Variants in ATP8A2 observed in about 807,000 individuals in gnomAD.
ATP8A2 encodes the protein ATPase phospholipid transporting 8A2.
Under a neutral mutation model 165.6 loss-of-function variants are expected in ATP8A2, and 100 were observed. The observed-to-expected ratio is 0.60, with a 90% CI of 0.51 to 0.71. ATP8A2 has a LOEUF of 0.71. ATP8A2 is among the 30% of genes least tolerant of loss of function. The pLI is 0.00. For synonymous variants in ATP8A2, 543 were observed against 548.8 expected (o/e 0.99, Z 0.15); for missense variants, 1,227 against 1,479.5 (o/e 0.83, Z 2.80).
chr13:25,741,554 A>G (rs1015686965), intron 25 of ATP8A2, among the ~76,000 whole-genome samples: 14 of 151,008 alleles, frequency 9.3e-5, no homozygotes, highest in African/African-American at 3.4e-4. Context: ...GCTAATTTTT[A>G]ATTTTTTTTT....
At position 26,025,207 on chromosome 13, in the gene ATP8A2, T is replaced by TA. The variant is rs1484691639; in HGVS notation, c.*5222_*5223insA. ...CTCCTTCCCTGCACAGTAAAGACTTTTGGGTTTTCATGGATAAAATCAATG... is the reference window on the plus strand; with the variant it reads ...CTCCTTCCCTGCACAGTAAAGACTTTATGGGTTTTCATGGATAAAATCAATG... On this transcript the variant is annotated 3_prime_UTR_variant, in exon 37 of 37. Coordinates refer to ENST00000381655, the MANE Select transcript of ATP8A2 (RefSeq NM_016529.6). 6.6e-6 allele frequency: 1 copy of TA among 151,318 alleles called. No individual in the cohort carries two copies. The highest frequency in any genetic ancestry group is 1.5e-5 in the Non-Finnish European group (1 of 67,942). 9.4% of individuals were successfully genotyped at this position (151,318 alleles called of 1,614,324 possible).
intron 15 of ATP8A2, among the ~76,000 whole-genome samples, chr13:25,563,357 C>T (rs1184652183): frequency 4.0e-5 from 6 of 150,954 alleles, no homozygotes; most frequent in Admixed American, 2.6e-4. Flanking sequence ...TGCAGTGAGC[C>T]GAGATCACAC....
chr13:25,791,889 C>T (rs1305906287), intron 27 of ATP8A2, among the ~76,000 whole-genome samples: 17 of 152,130 alleles, frequency 1.1e-4, no homozygotes, highest in Admixed American at 6.5e-5. Context: ...AGATAAATTT[C>T]GTATATGCTC....
intron 27 of ATP8A2, among the ~76,000 whole-genome samples, chr13:25,818,359 T>C (rs1566170134): frequency 6.6e-6 from 1 of 152,190 alleles, no homozygotes. Flanking sequence ...AAAGTATCAG[T>C]AATATAATAA....
chr13:25,640,013 T>C (rs1362692342), intron 24 of ATP8A2, among the ~76,000 whole-genome samples: 1 of 152,122 alleles, frequency 6.6e-6, no homozygotes. Flanking sequence ...ACTGGGTACA[T>C]AACAAAATGA....
chr13:25,386,941 G>A (rs1276557022), intron 1 of ATP8A2, among the ~76,000 whole-genome samples: 3 of 145,328 alleles, frequency 2.1e-5, no homozygotes, highest in Non-Finnish European at 4.6e-5. Flanking sequence ...AGCTTGCAGT[G>A]AGCCGAGATC....
chr13:25,875,881 CTA>C (rs2138829125), intron 33 of ATP8A2, among the ~76,000 whole-genome samples: 1 of 152,342 alleles, frequency 6.6e-6, no homozygotes. Flanking sequence ...CCAGGAAGTA[CTA>C]CGCTAATCAT....
chr13:25,466,691 C>A (rs565025771), intron 1 of ATP8A2, among the ~76,000 whole-genome samples: 1 of 152,174 alleles, frequency 6.6e-6, no homozygotes, highest in African/African-American at 2.4e-5. Context: ...GAGGGCAGGG[C>A]CCGGGAACTA....
At chr13:25,535,881 A>G (rs1274152838) in intron 6 of ATP8A2, among the ~76,000 whole-genome samples, 1 of 152,038 alleles carries the variant, frequency 6.6e-6, no homozygotes, top group Non-Finnish European at 1.5e-5. Context: ...GTCATTTCTT[A>G]TGTACACAAA....
rs1491053972 is a variant in ATP8A2, at chr13:25,817,352, G to GCC, written c.2680-10766_2680-10765insCC. On this transcript the variant is annotated intron_variant, in intron 27 of 36. Transcript: ENST00000381655. ...CTGGTCGGTATTATGGTCTTTTATG[G>GCC]GGGGGGGGGGAAACACGATTTTGTG... 1.9e-4 allele frequency among the ~76,000 whole-genome samples: 11 copies of GCC among 57,924 alleles called. No individual in the cohort carries two copies. The East Asian group carries it at 5.3e-3, about 28-fold the overall frequency. 38.0% of individuals were successfully genotyped at this position (57,924 alleles called of 152,430 possible). A position where few individuals can be genotyped will look rare whatever the true frequency, so the allele number is the denominator to read the frequency against.
intron 30 of ATP8A2, among the ~76,000 whole-genome samples, chr13:25,856,606 T>C (rs1330000113): frequency 6.6e-6 from 1 of 152,222 alleles, no homozygotes; most frequent in Non-Finnish European, 1.5e-5. Context: ...GTTAAAAACA[T>C]CATCTTTTCC....
At chr13:25,698,011 A>G (rs17487900) in intron 24 of ATP8A2, among the ~76,000 whole-genome samples, 10,899 of 152,266 alleles carry the variant, frequency 0.072, 519 homozygotes, top group Non-Finnish European at 0.11. Context: ...TTAATTAAAC[A>G]TATTTCTTTA....
chr13:25,584,475 C>T (rs2039864204), intron 23 of ATP8A2, among the ~76,000 whole-genome samples: 1 of 152,120 alleles, frequency 6.6e-6, no homozygotes, highest in Admixed American at 6.5e-5. Context: ...GATCAAGTAT[C>T]TAGCAGTTCT....
chr13:25,900,752 G>A (rs1489481122), intron 33 of ATP8A2, among the ~76,000 whole-genome samples: 1 of 152,150 alleles, frequency 6.6e-6, no homozygotes, highest in African/African-American at 2.4e-5. Flanking sequence ...TCAAAGACCT[G>A]GGAGAGAGAA....
chr13:25,947,354 TA>T (rs1260962885), intron 33 of ATP8A2, among the ~76,000 whole-genome samples: 1 of 152,132 alleles, frequency 6.6e-6, no homozygotes. Context: ...AGTAGGAAAA[TA>T]GAGGCTGGGG....
At chr13:25,649,696 C>A (rs1163792906) in intron 24 of ATP8A2, among the ~76,000 whole-genome samples, 1 of 152,098 alleles carries the variant, frequency 6.6e-6, no homozygotes, top group Non-Finnish European at 1.5e-5. Context: ...AACTAGCTTT[C>A]CATTTTGCTG....
At chr13:25,903,342 T>TA (rs1286808394) in intron 33 of ATP8A2, among the ~76,000 whole-genome samples, 1 of 152,144 alleles carries the variant, frequency 6.6e-6, no homozygotes, top group Non-Finnish European at 1.5e-5. Context: ...CAGACCCTGC[T>TA]AGGTCTGACT....
chr13:25,886,891 G>A lies in ATP8A2; in HGVS notation c.3183+24483G>A, dbSNP rs1446464614. The stretch of plus-strand genomic sequence containing the variant: ...GGTATTGCTGGTTGCTCATTGTAGG[G>A]TCAAATTTATGAAGAAAGGGGTAAT... On this transcript the variant is annotated intron_variant, in intron 33 of 36. Transcript: ENST00000381655. 3.9e-5 allele frequency among the ~76,000 whole-genome samples: 6 copies of A among 152,120 alleles called. 1 individual carries two copies. Among genetic ancestry groups the A allele is most frequent in the African/African-American group, 1.4e-4 (6 of 41,416 alleles).
At chr13:25,539,831 G>A (rs1032918152) in intron 7 of ATP8A2, among the ~76,000 whole-genome samples, 8 of 152,086 alleles carry the variant, frequency 5.3e-5, no homozygotes, top group African/African-American at 9.7e-5. Flanking sequence ...AGTTGGACTC[G>A]AGATGTAAAA....
Sources: gnomAD v4.1 joint callset for allele counts (sites outside exome capture counted in the v4.1 genomes callset) on GRCh38, gnomAD v4.1.1 for gene constraint, MANE v1.5 for transcripts, NCBI Gene and HGNC (gene_info 2026-07-23, HGNC 2026-07-21) for gene names.